Variants in SGCD observed in about 807,000 individuals in gnomAD.
SGCD encodes the protein delta-sarcoglycan.
A neutral mutation model predicts 36.6 loss-of-function variants in SGCD; 18 were observed. The observed-to-expected ratio is 0.49, with a 90% confidence interval of 0.34 to 0.73. The LOEUF is 0.73. Among genes scored for constraint, SGCD ranks in the 30% least tolerant of loss-of-function variants. The probability of loss-of-function intolerance (pLI) is 0.01; values close to 1 mark genes in which losing one functional copy is unlikely to be tolerated. For synonymous variants in SGCD, 133 were observed against 130.6 expected (o/e 1.02, Z -0.12); for missense variants, 387 against 346.7 (o/e 1.12, Z -0.92).
chr5:156,610,928 G>A (rs1761771220), intron 6 of SGCD, among the ~76,000 whole-genome samples: 1 of 152,224 alleles, frequency 6.6e-6, no homozygotes, highest in Admixed American at 6.5e-5. Flanking sequence ...TGATTTTCCA[G>A]TTGCTGCCTG....
At chr5:156,181,164 G>A (rs943652147) in intron 3 of SGCD, among the ~76,000 whole-genome samples, 3 of 152,120 alleles carry the variant, frequency 2.0e-5, no homozygotes, top group Non-Finnish European at 2.9e-5. Flanking sequence ...TTTTAAAAGC[G>A]CTCAGCATGC....
chr5:155,849,875 G>T, the SGCD span, among the ~76,000 whole-genome samples: 76 of 152,228 alleles, frequency 5.0e-4, no homozygotes, highest in Non-Finnish European at 7.4e-5. Flanking sequence ...TGATTGAATG[G>T]GAGAAAATGA....
intron 3 of SGCD, among the ~76,000 whole-genome samples, chr5:156,385,515 C>T (rs575103906): frequency 1.3e-5 from 2 of 152,286 alleles, no homozygotes; most frequent in South Asian, 2.1e-4. Flanking sequence ...TTCAACAATC[C>T]TCACTGGTAT....
At chr5:155,730,651 G>A in the SGCD span, among the ~76,000 whole-genome samples, 1 of 152,236 alleles carries the variant, frequency 6.6e-6, no homozygotes, top group South Asian at 2.1e-4. Context: ...CATCGCTGCC[G>A]ACCTACTGTG....
chr5:156,680,845 TGA>T (rs1753692170), intron 7 of SGCD, among the ~76,000 whole-genome samples: 1 of 152,184 alleles, frequency 6.6e-6, no homozygotes, highest in Non-Finnish European at 1.5e-5. Flanking sequence ...TGCATAATGC[TGA>T]GACAGGATAG....
chr5:155,974,740 A>T (rs1758075460), intron 1 of SGCD, among the ~76,000 whole-genome samples: 1 of 152,048 alleles, frequency 6.6e-6, no homozygotes. Context: ...AACAGCACAG[A>T]TGGCATGTCA....
intron 3 of SGCD, among the ~76,000 whole-genome samples, chr5:156,473,004 T>TA (rs988077853): frequency 1.3e-4 from 19 of 151,832 alleles, no homozygotes; most frequent in South Asian, 2.1e-4. Context: ...TTGCCTACAG[T>TA]AAAAAAAATA....
At chr5:155,984,243 A>T (rs556525647) in intron 1 of SGCD, among the ~76,000 whole-genome samples, 43 of 152,312 alleles carry the variant, frequency 2.8e-4, no homozygotes, top group Non-Finnish European at 4.7e-4. Flanking sequence ...TTTGCATTAA[A>T]CTATCATCTC....
Position 155,970,746 on chromosome 5 carries a change from G to A in SGCD, c.-282+100322G>A, listed in dbSNP as rs10061830. 1.9e-3 allele frequency among the ~76,000 whole-genome samples: 292 copies of A among 152,242 alleles called. 2 individuals are homozygous for A. The highest frequency in any genetic ancestry group is 6.9e-3 in the African/African-American group (286 of 41,558). On this transcript the variant is annotated intron_variant, in intron 1 of 9. Coordinates refer to the SGCD transcript ENST00000517913. ...ACATTTATGCTATGCATCTGTGTGTGCATCACTGCAAGGTAGGCAGTATTG... is the reference window on the plus strand; with the variant it reads ...ACATTTATGCTATGCATCTGTGTGTACATCACTGCAAGGTAGGCAGTATTG...
chr5:156,152,080 A>T (rs1762847253), intron 3 of SGCD, among the ~76,000 whole-genome samples: 1 of 151,654 alleles, frequency 6.6e-6, no homozygotes, highest in Non-Finnish European at 1.5e-5. Context: ...TCTTAAAAAA[A>T]AATGAAACTG....
chr5:156,540,462 G>C (rs181536340), intron 4 of SGCD, among the ~76,000 whole-genome samples: 288 of 152,226 alleles, frequency 1.9e-3, no homozygotes, highest in African/African-American at 6.9e-3. Context: ...CAAGGCTAGA[G>C]AGAAGAGAAG....
the SGCD span, among the ~76,000 whole-genome samples, chr5:155,770,936 G>A: frequency 6.6e-6 from 1 of 152,182 alleles, no homozygotes; most frequent in Admixed American, 6.5e-5. Context: ...TCTCTCTTAA[G>A]TATTCTGGAT....
At chr5:156,397,559 A>G (rs909443411) in intron 3 of SGCD, among the ~76,000 whole-genome samples, 5 of 152,170 alleles carry the variant, frequency 3.3e-5, no homozygotes, top group Admixed American at 1.3e-4. Context: ...AGAGCTTTAC[A>G]GGCCCTGTTG....
chr5:156,177,541 C>T (rs866021148), intron 3 of SGCD, among the ~76,000 whole-genome samples: 2 of 152,028 alleles, frequency 1.3e-5, no homozygotes, highest in African/African-American at 2.4e-5. Context: ...CTGTGCATCT[C>T]GGGAGCTGTT....
chr5:155,793,668 A>G, the SGCD span, among the ~76,000 whole-genome samples: 1 of 151,514 alleles, frequency 6.6e-6, no homozygotes, highest in African/African-American at 2.4e-5. Context: ...CAGCCTCCCT[A>G]GTAGCTGGGA....
intron 6 of SGCD, among the ~76,000 whole-genome samples, chr5:156,607,267 T>A (rs1332514399): frequency 6.6e-6 from 1 of 152,214 alleles, no homozygotes; most frequent in Admixed American, 6.6e-5. Context: ...CATTGTTGAA[T>A]TTTGTCAAAG....
chr5:156,552,576 G>A (rs768858804), intron 4 of SGCD, among the ~76,000 whole-genome samples: 21 of 152,144 alleles, frequency 1.4e-4, no homozygotes, highest in Non-Finnish European at 1.9e-4. Flanking sequence ...GTACAAACAA[G>A]TACCAATGGA....
intron 3 of SGCD, among the ~76,000 whole-genome samples, chr5:156,297,101 G>T (rs531277108): frequency 5.8e-4 from 88 of 151,942 alleles, no homozygotes; most frequent in Non-Finnish European, 1.2e-3. Flanking sequence ...TTACATCAGG[G>T]TAAATGGGGT....
At chr5:156,264,840 C>G (rs889927242) in intron 3 of SGCD, among the ~76,000 whole-genome samples, 1 of 152,122 alleles carries the variant, frequency 6.6e-6, no homozygotes, top group Admixed American at 6.6e-5. Context: ...GCACCTAGAA[C>G]AGTGCCTGGG....
Sources: gnomAD v4.1 joint callset for allele counts (sites outside exome capture counted in the v4.1 genomes callset) on GRCh38, gnomAD v4.1.1 for gene constraint, MANE v1.5 for transcripts, NCBI Gene and HGNC (gene_info 2026-07-23, HGNC 2026-07-21) for gene names.